F10: variants seen among roughly 807,000 people sequenced by gnomAD.
F10 encodes Stuart-Prower factor.
In F10, 29 loss-of-function variants were observed where a neutral mutation model predicts 37.1. The observed-to-expected ratio is 0.78, with a 90% CI of 0.58 to 1.07. The LOEUF (loss-of-function observed/expected upper bound fraction) is 1.07. Ranked by LOEUF, F10 falls within the 50% of genes least tolerant of loss-of-function variation. F10 has a pLI of 0.00. For missense variants in F10, 539 were observed against 667.9 expected, an observed-to-expected ratio of 0.81 and a Z score of 2.13; for synonymous variants, 262 against 268.6, an observed-to-expected ratio of 0.98 and a Z score of 0.24.
chr13:113,125,838 C>T (rs1414256627), intron 1 of F10, among the ~76,000 whole-genome samples: 4 of 152,170 alleles, frequency 2.6e-5, no homozygotes, highest in Non-Finnish European at 4.4e-5. Context: ...CTTTTTCCAG[C>T]GGAGGGAAGG....
chr13:113,139,297 C>T lies in F10; in HGVS notation c.257-60C>T. On this transcript the variant is annotated intron_variant, in intron 3 of 7. Coordinates refer to ENST00000375559, the MANE Select transcript of F10 (RefSeq NM_000504.4). This position sits in a 1 kb window ranked among gnomAD's most constrained non-coding sequence, Gnocchi z 5.2. ...CAGGGCCAAGGTTAGCACAGCAAAA[C>T]TGTTTCCATGATGCCGGAAACAGCT... The T allele has an allele frequency of 7.0e-7, 1 of 1,433,818 alleles. No homozygotes were observed. Among genetic ancestry groups the T allele is most frequent in the Admixed American group, 1.7e-5 (1 of 58,570 alleles). The allele number at this position is 1,433,818 out of a possible 1,614,324, so 88.8% of individuals were successfully genotyped here. A position where few individuals can be genotyped will look rare whatever the true frequency, so the allele number is the denominator to read the frequency against.
At chr13:113,134,035 A>G (rs941898963) in intron 2 of F10, among the ~76,000 whole-genome samples, 1 of 152,232 alleles carries the variant, frequency 6.6e-6, no homozygotes, top group Non-Finnish European at 1.5e-5. Context: ...TATGAACATA[A>G]TAAAGTTCAT....
In F10 at chr13:113,129,539, T is replaced by C; in HGVS notation, c.158T>C (p.Leu53Pro). 6.2e-7 allele frequency: 1 copy of C among 1,614,106 alleles called. No homozygotes were observed. Among genetic ancestry groups the C allele is most frequent in the Non-Finnish European group, 8.5e-7 (1 of 1,180,020 alleles). The change falls in exon 2 of 8, where the codon CTC (leucine) becomes CCC (proline). Residue 53 changes from leucine to proline, a missense_variant. Physicochemically the swap from Leu to Pro is moderately conservative, Grantham distance 98 (BLOSUM62 -3). Transcript: ENST00000375559. ...SFLEEMKKGHLERECMEETCS... is the reference protein window; with the variant it reads ...SFLEEMKKGHPERECMEETCS... Reference sequence around the variant, plus strand: ...CTTGAAGAGATGAAGAAAGGACACCTCGAAAGAGAGTGCATGGAAGAGACC... The same window carrying C: ...CTTGAAGAGATGAAGAAAGGACACCCCGAAAGAGAGTGCATGGAAGAGACC...
At chr13:113,129,663 C>A (rs374031131) in intron 2 of F10, 51 bp downstream of exon 2, 3 of 1,610,098 alleles carry the variant, frequency 1.9e-6, no homozygotes, top group Non-Finnish European at 8.5e-7. Flanking sequence ...GGCCACAGCG[C>A]CCTCGCTGGC....
rs1038760239 is a variant in F10 at position 113,141,719 on chromosome 13, CAT to C, written c.502+670_502+671del. Among the ~76,000 whole-genome samples, 15 of 152,316 alleles carry C rather than the reference CAT, an allele frequency of 9.8e-5. No homozygotes were observed. Among genetic ancestry groups the C allele is most frequent in the South Asian group, 8.3e-4 (4 of 4,830 alleles). On this transcript the variant is annotated intron_variant, in intron 5 of 7. Coordinates refer to ENST00000375559, the MANE Select transcript of F10 (RefSeq NM_000504.4). This position sits in a 1 kb window ranked among gnomAD's most constrained non-coding sequence, Gnocchi z 5.4. ...CCGGCACTTCCACACGGCCAGCACA[CAT>C]GAGGCCCTCGAAGGCGGGGCCTAGG...
intron 5 of F10, among the ~76,000 whole-genome samples, chr13:113,142,839 G>A (rs2036545221): frequency 6.6e-6 from 1 of 152,040 alleles, no homozygotes; most frequent in Non-Finnish European, 1.5e-5. Flanking sequence ...GGCTGAGGCA[G>A]GAGAATCGCC....
rs1164782990 is a variant in F10, at chr13:113,141,178, G to A, written c.502+128G>A. ...CTGGCAGGTAACAGTGACACCAAGA[G>A]GACAGGACTGAGCCCTGGGCTCCGG... On this transcript the variant is annotated intron_variant, in intron 5 of 7. Coordinates refer to ENST00000375559, the MANE Select transcript of F10 (RefSeq NM_000504.4). The surrounding 1 kb of genome is among the most constrained non-coding windows in gnomAD (Gnocchi z 5.4). 1.5e-6 allele frequency: 2 copies of A among 1,348,740 alleles called. No homozygotes were observed. Among genetic ancestry groups the A allele is most frequent in the Admixed American group, 2.0e-5 (1 of 51,042 alleles). 83.5% of individuals were successfully genotyped at this position (1,348,740 alleles called of 1,614,324 possible).
intron 1 of F10, 89 bp from the exon 2 acceptor site, chr13:113,129,363 C>A: frequency 6.5e-7 from 1 of 1,528,260 alleles, no homozygotes; most frequent in Non-Finnish European, 9.0e-7. Flanking sequence ...CTGGATATGG[C>A]AAGGGACATG....
chr13:113,143,826 G>GC lies in F10; in HGVS notation c.503-21dup. The GC allele has an allele frequency of 6.2e-7, 1 of 1,609,504 alleles. No individual in the cohort carries two copies. Among genetic ancestry groups the GC allele is most frequent in the Non-Finnish European group, 8.5e-7 (1 of 1,179,972 alleles). Reference sequence around the variant, plus strand: ...TGGGGAGCCTCTCTCTGTGCTGAAGGCCCCGGCCGTCCTCTTTCTTTCAGG... The same window carrying GC: ...TGGGGAGCCTCTCTCTGTGCTGAAGGCCCCCGGCCGTCCTCTTTCTTTCAGG... On this transcript the variant is annotated intron_variant, in intron 5 of 7. Coordinates refer to ENST00000375559, the MANE Select transcript of F10 (RefSeq NM_000504.4). This position sits in a 1 kb window ranked among gnomAD's most constrained non-coding sequence, Gnocchi z 6.8.
chr13:113,133,936 T>C (rs976424341), intron 2 of F10, among the ~76,000 whole-genome samples: 2 of 152,186 alleles, frequency 1.3e-5, no homozygotes, highest in Admixed American at 6.5e-5. Context: ...ATCATGTCAA[T>C]TGATGCAACA....
chr13:113,127,333 T>C (rs1281297946), intron 1 of F10, among the ~76,000 whole-genome samples: 1 of 152,160 alleles, frequency 6.6e-6, no homozygotes, highest in African/African-American at 2.4e-5. Flanking sequence ...GTGAGAGAGC[T>C]GAAAACATGG....
At chr13:113,130,560 A>G (rs1238566842) in intron 2 of F10, 1 of 152,322 alleles carries the variant, frequency 6.6e-6, no homozygotes, top group Non-Finnish European at 1.5e-5. Flanking sequence ...GGCTGGTGCC[A>G]TCAGCCACAC....
At chr13:113,126,455 C>T (rs1306870428) in intron 1 of F10, among the ~76,000 whole-genome samples, 3 of 152,084 alleles carry the variant, frequency 2.0e-5, no homozygotes, top group Admixed American at 2.0e-4. Context: ...GAGCTGTGGC[C>T]GCTATCACAG....
chr13:113,149,308 G>A lies in F10; in HGVS notation c.1258G>A (p.Gly420Arg), dbSNP rs750759634. The change falls in exon 8 of 8, where the codon GGG (glycine) becomes AGG (arginine). Residue 420 changes from glycine (G) to arginine (R), a missense_variant. This residue lies in a region of F10 where 409 missense variants were observed against 547.9 expected (regional missense o/e 0.75). Transcript: ENST00000375559. This position sits in a 1 kb window ranked among gnomAD's most constrained non-coding sequence, Gnocchi z 7.5. ...GGAGGATGCCTGCCAGGGGGACAGC[G>A]GGGGCCCGCACGTCACCCGCTTCAA... is the stretch of plus-strand genomic sequence containing the variant. ...KQEDACQGDS[G>R]GPHVTRFKDT... The A allele has an allele frequency of 3.3e-5, 54 of 1,613,116 alleles. No homozygotes were observed. The Admixed American group carries it at 6.5e-4, about 19-fold the overall frequency.
rs746917205 is a variant in F10, at chr13:113,140,877, T to C, written c.371-42T>C. On this transcript the variant is annotated intron_variant, in intron 4 of 7. Transcript: ENST00000375559. ...ACCCTTGGGCCAGCCCAGCCTCCAT[T>C]TCTCCAGCTGTCCCCAGAGCCAACG... 2.5e-6 allele frequency: 4 copies of C among 1,613,556 alleles called. No homozygotes were observed. The Admixed American group carries it at 6.7e-5, about 27-fold the overall frequency.
At chr13:113,140,816 C>A (rs577981550) in intron 4 of F10, 103 bp from the exon 5 acceptor site, 2 of 1,578,558 alleles carry the variant, frequency 1.3e-6, no homozygotes, top group Non-Finnish European at 1.7e-6. Context: ...ACCCAATGGC[C>A]GCTTTGTGGC....
intron 6 of F10, among the ~76,000 whole-genome samples, chr13:113,145,671 G>A (rs2036576017): frequency 6.6e-6 from 1 of 152,190 alleles, no homozygotes; most frequent in Admixed American, 6.5e-5. Flanking sequence ...CGTGGCTGGG[G>A]AGGCCTCACC....
intron 4 of F10, chr13:113,140,702 C>T (rs2036519447): frequency 2.8e-6 from 2 of 721,236 alleles, no homozygotes. Context: ...TACCTGGAGC[C>T]TGGCTTCTGG....
chr13:113,140,979 A>G lies in F10; in HGVS notation c.431A>G (p.Gln144Arg), dbSNP rs1176700642. The G allele has an allele frequency of 1.2e-6, 2 of 1,614,040 alleles. No homozygotes were observed. The highest frequency in any genetic ancestry group is 2.2e-5 in the East Asian group (1 of 44,896). Residue 144 changes from glutamine to arginine, a missense_variant, in exon 5 of 8, where the codon CAG becomes CGG. Physicochemically the swap from Gln to Arg is conservative, Grantham distance 43. Around this residue, in one of 2 missense-constraint regions of F10, gnomAD observed 409 missense variants for 547.9 expected, o/e 0.75. Coordinates refer to ENST00000375559, the MANE Select transcript of F10 (RefSeq NM_000504.4). ...GDCDQFCHEE[Q>R]NSVVCSCARG... ...TGTGACCAGTTCTGCCACGAGGAAC[A>G]GAACTCTGTGGTGTGCTCCTGCGCC...
Sources: gnomAD v4.1 joint callset for allele counts (sites outside exome capture counted in the v4.1 genomes callset) on GRCh38, gnomAD v4.1.1 for gene constraint, gnomAD v4.1.1 regional missense constraint, Gnocchi (gnomAD v3.1) non-coding constraint, MANE v1.5 for transcripts, NCBI Gene and HGNC (gene_info 2026-07-23, HGNC 2026-07-21) for gene names.